The following TSEN15 variants were observed in gnomAD, a reference collection of about 807,000 sequenced individuals.
The protein encoded by TSEN15 is tRNA splicing endonuclease subunit 15.
Under a neutral mutation model 20.5 loss-of-function variants are expected in TSEN15, and 10 were observed. The observed-to-expected ratio is 0.49, with a 90% CI of 0.30 to 0.83. TSEN15 has a LOEUF of 0.83. Among genes scored for constraint, TSEN15 ranks in the 40% least tolerant of loss-of-function variants. TSEN15 has a pLI of 0.06. For missense variants in TSEN15, 180 were observed against 218.6 expected (o/e 0.82, Z 1.11); for synonymous variants, 72 against 80.1 (o/e 0.90, Z 0.54).
chr1:184,078,530 T>C (rs879313844), downstream of TSEN15, among the ~76,000 whole-genome samples: 3 of 152,090 alleles, frequency 2.0e-5, no homozygotes, highest in African/African-American at 7.2e-5. Flanking sequence ...GGTGCCGCCT[T>C]TGCCTTTCTT....
downstream of TSEN15, among the ~76,000 whole-genome samples, chr1:184,075,887 G>A (rs1018214503): frequency 2.1e-5 from 3 of 141,476 alleles, no homozygotes; most frequent in Admixed American, 1.5e-4. Context: ...TAGATGGGGT[G>A]GGTTTTATAT....
chr1:184,075,641 C>T (rs533323511), downstream of TSEN15, among the ~76,000 whole-genome samples: 1 of 152,130 alleles, frequency 6.6e-6, no homozygotes, highest in East Asian at 1.9e-4. Flanking sequence ...ATAACCACAG[C>T]ATTTTCAGAC....
chr1:184,067,150 A>G lies in TSEN15; in HGVS notation c.354-5007A>G, dbSNP rs148784762. Among the ~76,000 whole-genome samples the G allele has an allele frequency of 9.1e-3, 1,378 of 151,906 alleles. 10 individuals are homozygous for G. Among genetic ancestry groups the G allele is most frequent in the Middle Eastern group, 0.014 (4 of 294 alleles). On this transcript the variant is annotated intron_variant, in intron 3 of 4. Transcript: ENST00000645668. ...ACCTTGCTATAATCTCTTAGTTTTT[A>G]TTCTTCCATTTTCTCATACCCCCAA... is the stretch of plus-strand genomic sequence containing the variant.
intron 3 of TSEN15, among the ~76,000 whole-genome samples, chr1:184,060,046 G>T (rs1433953927): frequency 6.6e-6 from 1 of 152,164 alleles, no homozygotes; most frequent in Non-Finnish European, 1.5e-5. Context: ...AAATCCCAAT[G>T]GGAAACATGG....
At chr1:184,077,249 A>C (rs139445006), downstream of TSEN15, among the ~76,000 whole-genome samples, 1 of 152,174 alleles carries the variant, frequency 6.6e-6, no homozygotes, top group East Asian at 1.9e-4. Flanking sequence ...AATTACGCCC[A>C]ATCTACTCTA....
intron 3 of TSEN15, among the ~76,000 whole-genome samples, chr1:184,092,922 T>G (rs1351814462): frequency 6.6e-6 from 1 of 152,230 alleles, no homozygotes; most frequent in Non-Finnish European, 1.5e-5. Context: ...TCTTGTGTTT[T>G]AAATAGTCAT....
chr1:184,058,393 C>A (rs750837721), intron 3 of TSEN15, among the ~76,000 whole-genome samples: 8 of 151,498 alleles, frequency 5.3e-5, no homozygotes, highest in Non-Finnish European at 1.2e-4. Flanking sequence ...GATTTATATG[C>A]CTTTTAGTGC....
intron 3 of TSEN15, chr1:184,095,020 C>T (rs1472407290): frequency 2.5e-6 from 1 of 398,632 alleles, no homozygotes; most frequent in Non-Finnish European, 4.4e-6. Flanking sequence ...CTGTTTTACA[C>T]ATTTATCCAG....
intron 3 of TSEN15, chr1:184,095,471 GA>G (rs1282305900): frequency 5.2e-6 from 2 of 386,558 alleles, no homozygotes; most frequent in Non-Finnish European, 9.1e-6. Flanking sequence ...TTCACACACT[GA>G]AGCTCTAATC....
intron 3 of TSEN15, among the ~76,000 whole-genome samples, chr1:184,064,341 G>A (rs1412473012): frequency 6.6e-6 from 1 of 152,090 alleles, no homozygotes; most frequent in Non-Finnish European, 1.5e-5. Context: ...GGTATTGAGG[G>A]CTGAGAGGGC....
chr1:184,072,973 A>G lies in TSEN15; in HGVS notation c.*126A>G, dbSNP rs1650946607. On this transcript the variant is annotated 3_prime_UTR_variant, in exon 5 of 5. Coordinates refer to ENST00000645668, the MANE Select transcript of TSEN15 (RefSeq NM_052965.4). ...GTGAGGGTTGACTTCCCCATTCCAT[A>G]AGGTTTTCATTCTGAAGAGTAAAAC... The G allele has an allele frequency of 2.2e-6, 2 of 904,894 alleles. No homozygotes were observed. The allele number at this position is 904,894 out of a possible 1,614,324, so 56.1% of individuals were successfully genotyped here.
intron 3 of TSEN15, chr1:184,071,930 A>G: frequency 6.9e-6 from 3 of 432,830 alleles, no homozygotes; most frequent in East Asian, 3.6e-5. Flanking sequence ...AACTATTTCT[A>G]TACCATTCTC....
At chr1:184,067,922 C>G (rs1650730007) in intron 3 of TSEN15, among the ~76,000 whole-genome samples, 1 of 56,242 alleles carries the variant, frequency 1.8e-5, no homozygotes, top group Non-Finnish European at 3.0e-5. Flanking sequence ...GACTCTCTCT[C>G]TCAAAAAAAA....
At chr1:184,086,603 T>C (rs183465450) in intron 3 of TSEN15, among the ~76,000 whole-genome samples, 1 of 152,304 alleles carries the variant, frequency 6.6e-6, no homozygotes, top group African/African-American at 2.4e-5. Context: ...ACTTCCAAGA[T>C]AGCTCACTCA....
downstream of TSEN15, among the ~76,000 whole-genome samples, chr1:184,075,892 T>TTATATA (rs1255091578): frequency 6.9e-6 from 1 of 144,330 alleles, no homozygotes; most frequent in African/African-American, 2.6e-5. Flanking sequence ...GGGGTGGGTT[T>TTATATA]TATATATATA....
chr1:184,081,070 T>C (rs1651157268), intron 3 of TSEN15, among the ~76,000 whole-genome samples: 1 of 152,218 alleles, frequency 6.6e-6, no homozygotes, highest in Non-Finnish European at 1.5e-5. Flanking sequence ...AATTTCTAAA[T>C]GTTTATTCTC....
At chr1:184,058,004 T>C (rs1650308869) in intron 3 of TSEN15, among the ~76,000 whole-genome samples, 3 of 152,154 alleles carry the variant, frequency 2.0e-5, no homozygotes, top group Admixed American at 1.3e-4. Flanking sequence ...ATTAATGTTA[T>C]ATTATTTGTT....
intron 3 of TSEN15, among the ~76,000 whole-genome samples, chr1:184,071,699 T>A: frequency 6.6e-6 from 1 of 151,324 alleles, no homozygotes; most frequent in Non-Finnish European, 1.5e-5. Context: ...GAAAAGAAGG[T>A]GATAAAGGAG....
chr1:184,075,910 A>ATATATATATATATATATATATTTTT (rs760409158), downstream of TSEN15, among the ~76,000 whole-genome samples: 5 of 123,736 alleles, frequency 4.0e-5, no homozygotes, highest in Admixed American at 8.0e-5. Flanking sequence ...ATATATATAT[A>ATATATATATATATATATATATTTTT]TTTTTTTTTT....
Sources: allele counts gnomAD v4.1 joint callset (sites outside exome capture counted in the v4.1 genomes callset), GRCh38; gene constraint gnomAD v4.1.1; transcripts MANE v1.5; gene names NCBI Gene and HGNC (gene_info 2026-07-23, HGNC 2026-07-21).